GPC3: variants seen among roughly 807,000 people sequenced by gnomAD.
GPC3 encodes the protein glypican-3.
GPC3 carries 3 observed loss-of-function variants against 34.4 expected under a neutral mutation model. The observed-to-expected ratio is 0.09, with a 90% CI of 0.04 to 0.23. GPC3 has a LOEUF of 0.23. Ranked by LOEUF, GPC3 falls within the 10% of genes least tolerant of loss-of-function variation. The pLI, the probability that GPC3 is intolerant of heterozygous loss-of-function variation, is 1.00. For missense variants in GPC3, 351 were observed against 445.6 expected (o/e 0.79, Z 1.91); for synonymous variants, 177 against 174.0 (o/e 1.02, Z -0.13).
chrX:133,625,374 T>A (rs934368212), intron 6 of GPC3, among the ~76,000 whole-genome samples: 7 of 111,918 alleles, frequency 6.3e-5, no homozygotes, highest in African/African-American at 2.3e-4. Flanking sequence ...GGAAGTCAAA[T>A]TGCCCCTGTT....
intron 2 of GPC3, among the ~76,000 whole-genome samples, chrX:133,787,616 G>A (rs185976111): frequency 1.3e-4 from 15 of 111,727 alleles, no homozygotes; most frequent in Non-Finnish European, 1.9e-5. Flanking sequence ...CCAAGTAGAG[G>A]TGAAGTCAGT....
chrX:133,953,211 C>A lies in GPC3; in HGVS notation c.176G>T (p.Gly59Val). The A allele has an allele frequency of 8.3e-7, 1 of 1,208,205 alleles. No homozygotes were observed. The highest frequency in any genetic ancestry group is 1.1e-6 in the Non-Finnish European group (1 of 893,014). ...AGGGAGACATACTTGCAAATCTGATCCTGAAACAAACAAGGTTTTCATGTT... is the reference window on the plus strand; with the variant it reads ...AGGGAGACATACTTGCAAATCTGATACTGAAACAAACAAGGTTTTCATGTT... ...LKWVPETPVP[G>V]SDLQVCLPKG... The change falls in exon 2 of 8, where the codon GGA (glycine) becomes GTA (valine). Residue 59 changes from glycine (G) to valine (V), a missense_variant and splice_region_variant. Gly to Val is a moderately radical substitution (Grantham distance 109). Transcript: ENST00000370818.
chrX:133,647,669 G>A (rs140971575), intron 6 of GPC3, among the ~76,000 whole-genome samples: 2 of 111,805 alleles, frequency 1.8e-5, no homozygotes, highest in Non-Finnish European at 3.8e-5. Flanking sequence ...ACTCTTCTTT[G>A]TGAGGCTGTC....
chrX:133,580,727 T>C (rs2124312049), intron 7 of GPC3, among the ~76,000 whole-genome samples: 1 of 112,364 alleles, frequency 8.9e-6, no homozygotes, highest in South Asian at 3.7e-4. Flanking sequence ...GCACAGATGT[T>C]CTTACTGAAC....
chrX:133,800,998 C>G (rs2075606764), intron 2 of GPC3, among the ~76,000 whole-genome samples: 1 of 111,962 alleles, frequency 8.9e-6, no homozygotes, highest in African/African-American at 3.2e-5. Context: ...GATTTGAAGT[C>G]TACTCATGTA....
In GPC3 at chrX:133,708,106, A is replaced by G. The variant is rs766544453; in HGVS notation, c.1033-8078T>C. Among the ~76,000 whole-genome samples the G allele has an allele frequency of 1.3e-4, 15 of 111,970 alleles. No individual in the cohort carries two copies. The South Asian group carries it at 4.5e-3, about 34-fold the overall frequency. On this transcript the variant is annotated intron_variant, in intron 3 of 7. Coordinates refer to ENST00000370818, the MANE Select transcript of GPC3 (RefSeq NM_004484.4). ...GATAATTTTTTCTTTGAGGAACTCT[A>G]TGTTGGTGGTTTACCAGTACTTTTT...
At chrX:133,641,222 T>C (rs2070477782) in intron 6 of GPC3, among the ~76,000 whole-genome samples, 1 of 110,889 alleles carries the variant, frequency 9.0e-6, no homozygotes, top group East Asian at 2.8e-4. Context: ...ACGCCTGTAA[T>C]CTCAGCACTT....
intron 6 of GPC3, among the ~76,000 whole-genome samples, chrX:133,659,750 C>A (rs1463677863): frequency 9.0e-6 from 1 of 111,710 alleles, no homozygotes; most frequent in Non-Finnish European, 1.9e-5. Flanking sequence ...CAATATTCCT[C>A]ATTTAGAATT....
intron 2 of GPC3, among the ~76,000 whole-genome samples, chrX:133,941,760 C>T (rs2124628455): frequency 9.0e-6 from 1 of 111,655 alleles, no homozygotes; most frequent in East Asian, 2.8e-4. Flanking sequence ...TAAACCCCCA[C>T]AAAAAAAGAA....
chrX:133,752,010 C>A (rs2071672196), intron 3 of GPC3, among the ~76,000 whole-genome samples: 1 of 110,966 alleles, frequency 9.0e-6, no homozygotes, highest in Non-Finnish European at 1.9e-5. Context: ...AGCATGCCAC[C>A]ATGCCTGGCT....
At chrX:133,787,241 G>A (rs1282014012) in intron 2 of GPC3, among the ~76,000 whole-genome samples, 1 of 112,046 alleles carries the variant, frequency 8.9e-6, no homozygotes, top group Non-Finnish European at 1.9e-5. Context: ...GCAAAGGAAT[G>A]AGGAGTCTGA....
intron 5 of GPC3, among the ~76,000 whole-genome samples, chrX:133,687,323 A>G (rs769295017): frequency 1.4e-3 from 145 of 103,005 alleles, no homozygotes; most frequent in African/African-American, 4.5e-3. Context: ...CTACTTATCA[A>G]GGTATGCCCT....
At chrX:133,748,008 AG>A (rs2071627461) in intron 3 of GPC3, among the ~76,000 whole-genome samples, 1 of 112,408 alleles carries the variant, frequency 8.9e-6, no homozygotes, top group Non-Finnish European at 1.9e-5. Context: ...GAAAAATAAA[AG>A]TGCAAACCAC....
At chrX:133,784,153 AACGTTCC>A (rs2072079458) in intron 2 of GPC3, among the ~76,000 whole-genome samples, 2 of 111,962 alleles carry the variant, frequency 1.8e-5, no homozygotes, top group African/African-American at 6.5e-5. Context: ...AAGTAAATTT[AACGTTCC>A]AAAGCTGCTG....
At chrX:133,862,589 C>T (rs2075942803) in intron 2 of GPC3, among the ~76,000 whole-genome samples, 1 of 109,350 alleles carries the variant, frequency 9.1e-6, no homozygotes, top group African/African-American at 3.3e-5. Flanking sequence ...ATTCGGCAGG[C>T]TGAGGTGGGA....
chrX:133,813,803 A>C (rs757793725), intron 2 of GPC3, among the ~76,000 whole-genome samples: 1 of 112,054 alleles, frequency 8.9e-6, no homozygotes, highest in East Asian at 2.8e-4. Flanking sequence ...GCTCACTAGA[A>C]TATCCTGAGA....
At chrX:133,627,442 C>T (rs147221431) in intron 6 of GPC3, among the ~76,000 whole-genome samples, 2,832 of 111,482 alleles carry the variant, frequency 0.025, 38 homozygotes, top group Middle Eastern at 0.11. Context: ...TCATTCCTAC[C>T]GTTAATATTA....
chrX:133,763,628 C>A, intron 2 of GPC3: 2 of 794,726 alleles, frequency 2.5e-6, no homozygotes, highest in South Asian at 2.1e-5. Flanking sequence ...GACTGGTCTG[C>A]CGCTTCCACT....
intron 2 of GPC3, among the ~76,000 whole-genome samples, chrX:133,911,967 G>A (rs961683166): frequency 8.9e-6 from 1 of 111,950 alleles, no homozygotes; most frequent in African/African-American, 3.2e-5. Context: ...AGAAATGAAA[G>A]CTGACCCTCA....
Sources: allele counts gnomAD v4.1 joint callset (sites outside exome capture counted in the v4.1 genomes callset), GRCh38; gene constraint gnomAD v4.1.1; transcripts MANE v1.5; gene names NCBI Gene and HGNC (gene_info 2026-07-23, HGNC 2026-07-21).